The following REEP2 variants were observed in gnomAD, a reference collection of about 807,000 sequenced individuals.
REEP2 encodes the protein receptor expression-enhancing protein 2.
In REEP2, 9 loss-of-function variants were observed where a neutral mutation model predicts 32.1. That is an observed-to-expected ratio of 0.28 (90% CI 0.17 to 0.49). The LOEUF is 0.49. REEP2 is among the 20% of genes least tolerant of loss of function. The pLI, the probability that REEP2 is intolerant of heterozygous loss-of-function variation, is 0.99. For missense variants in REEP2, 236 were observed against 338.0 expected (o/e 0.70, Z 2.37); for synonymous variants, 128 against 139.1 (o/e 0.92, Z 0.56).
chr5:138,446,351 G>A lies in REEP2; in HGVS notation c.*600G>A, dbSNP rs1763933717. 6.5e-6 allele frequency: 1 copy of A among 153,686 alleles called. No individual in the cohort carries two copies. Among genetic ancestry groups the A allele is most frequent in the East Asian group, 1.9e-4 (1 of 5,202 alleles). The allele number at this position is 153,686 out of a possible 1,614,324, so 9.5% of individuals were successfully genotyped here. A position where few individuals can be genotyped will look rare whatever the true frequency, so the allele number is the denominator to read the frequency against. On this transcript the variant is annotated 3_prime_UTR_variant, in exon 8 of 8. Transcript: ENST00000378339. ...TTTCCTGGTCATTGGGTGGGGCTGAGTGCCACATGTTCCCACATTAAAAAG... is the reference window on the plus strand; with the variant it reads ...TTTCCTGGTCATTGGGTGGGGCTGAATGCCACATGTTCCCACATTAAAAAG...
intron 5 of REEP2, 33 bp from the exon 6 acceptor site, chr5:138,445,195 C>T: frequency 6.4e-7 from 1 of 1,551,674 alleles, no homozygotes; most frequent in Non-Finnish European, 8.7e-7. Flanking sequence ...GCCCCTTCCC[C>T]CCGGCTCTCC....
rs1763773686 is a variant in REEP2, at chr5:138,439,176, G to A, written c.-33G>A. On this transcript the variant is annotated 5_prime_UTR_variant, in exon 1 of 8. Transcript: ENST00000378339. The stretch of plus-strand genomic sequence containing the variant: ...AGGCAGCTGCATCCTCGGCCGGGCC[G>A]GGTCCCCGCCCCGCGCCGCGCCCGG... The A allele has an allele frequency of 3.0e-6, 4 of 1,347,514 alleles. No individual in the cohort carries two copies. Among genetic ancestry groups the A allele is most frequent in the African/African-American group, 1.5e-5 (1 of 66,156 alleles). 83.5% of individuals were successfully genotyped at this position (1,347,514 alleles called of 1,614,324 possible). A position where few individuals can be genotyped will look rare whatever the true frequency, so the allele number is the denominator to read the frequency against.
chr5:138,444,224 C>A, intron 3 of REEP2, 191 bp from the exon 4 acceptor site: 1 of 567,886 alleles, frequency 1.8e-6, no homozygotes, highest in Non-Finnish European at 3.0e-6. Context: ...GCTTACCTTC[C>A]TGTTTGGAGC....
chr5:138,440,379 G>A lies in REEP2; in HGVS notation c.33-637G>A, dbSNP rs115407895. ...GCCTGGGCAAGCCCCAAAGGGCATC[G>A]GTCCTCTTCTTTCCCGGCCTGTGTC... On this transcript the variant is annotated intron_variant, in intron 1 of 7. Transcript: ENST00000378339. Among the ~76,000 whole-genome samples, 581 of 152,334 alleles carry A rather than the reference G, an allele frequency of 3.8e-3. 1 individual carries two copies. Among genetic ancestry groups the A allele is most frequent in the African/African-American group, 0.013 (558 of 41,568 alleles).
Position 138,441,263 on chromosome 5 carries a change from G to A in REEP2, c.106-122G>A. The A allele has an allele frequency of 7.9e-7, 1 of 1,264,442 alleles. No individual in the cohort carries two copies. Among genetic ancestry groups the A allele is most frequent in the Non-Finnish European group, 1.1e-6 (1 of 870,086 alleles). 78.3% of individuals were successfully genotyped at this position (1,264,442 alleles called of 1,614,324 possible). ...ACAGCGCCTCCAACATGGCTGGCAG[G>A]CAGAAGTGGGGTCCTTGGTGTTCTC... On this transcript the variant is annotated intron_variant, in intron 2 of 7. Transcript: ENST00000378339. The surrounding 1 kb of genome is among the most constrained non-coding windows in gnomAD (Gnocchi z 4.4).
intron 3 of REEP2, among the ~76,000 whole-genome samples, chr5:138,442,304 G>C (rs1339095237): frequency 1.3e-5 from 2 of 152,180 alleles, no homozygotes; most frequent in African/African-American, 2.4e-5. Flanking sequence ...CGGAACTCAA[G>C]AAGAGAATTT....
intron 1 of REEP2, chr5:138,439,586 TGGA>T: frequency 2.0e-6 from 1 of 492,732 alleles, no homozygotes; most frequent in South Asian, 1.6e-5. Flanking sequence ...AGGTCTGGGC[TGGA>T]GGAGATCCTC....
In REEP2 at chr5:138,441,062, G is replaced by A. The variant is rs763379206; in HGVS notation, c.79G>A (p.Val27Met). ...LYPAYSSYKA[V>M]KTKNVKEYVK... ...CCCAGCCTATTCTTCCTACAAGGCC[G>A]TGAAGACAAAAAACGTGAAGGAATA... Residue 27 changes from valine to methionine, a missense_variant, in exon 2 of 8, where the codon GTG becomes ATG. Val to Met is a conservative substitution (Grantham distance 21, BLOSUM62 1). Transcript: ENST00000378339. This position sits in a 1 kb window ranked among gnomAD's most constrained non-coding sequence, Gnocchi z 4.4. 1.2e-6 allele frequency: 2 copies of A among 1,613,736 alleles called. No individual in the cohort carries two copies. The highest frequency in any genetic ancestry group is 2.2e-5 in the East Asian group (1 of 44,886).
At chr5:138,444,592 G>A (rs904660372) in intron 4 of REEP2, 57 bp downstream of exon 4, 2 of 1,604,194 alleles carry the variant, frequency 1.2e-6, no homozygotes, top group African/African-American at 2.7e-5. Context: ...GCAGTCCAGA[G>A]CCTGCAGCCT....
chr5:138,439,334 A>G (rs1174586852), intron 1 of REEP2, 94 bp downstream of exon 1: 2 of 1,249,346 alleles, frequency 1.6e-6, no homozygotes, highest in South Asian at 1.7e-5. Flanking sequence ...CGTGCAGCAG[A>G]GTCACCTAAA....
Position 138,445,862 on chromosome 5 carries a change from C to A in REEP2, c.*111C>A. 3 of 1,082,248 alleles carry A rather than the reference C, an allele frequency of 2.8e-6. No homozygotes were observed. Among genetic ancestry groups the A allele is most frequent in the Non-Finnish European group, 4.0e-6 (3 of 756,300 alleles). 67.0% of individuals were successfully genotyped at this position (1,082,248 alleles called of 1,614,324 possible). On this transcript the variant is annotated 3_prime_UTR_variant, in exon 8 of 8. Coordinates refer to ENST00000378339, the MANE Select transcript of REEP2 (RefSeq NM_001271803.2). Reference sequence around the variant, plus strand: ...AGCCTAGGTGTCTCAGGCCCCTGGGCCCCGCAGATGGCCATTTCCGGTGCC... The same window carrying A: ...AGCCTAGGTGTCTCAGGCCCCTGGGACCCGCAGATGGCCATTTCCGGTGCC...
intron 4 of REEP2, 35 bp downstream of exon 4, chr5:138,444,570 C>A (rs1170383008): frequency 6.2e-7 from 1 of 1,610,652 alleles, no homozygotes; most frequent in Admixed American, 1.7e-5. Flanking sequence ...TCCCAGCCTG[C>A]CCCCAGCCAA....
intron 3 of REEP2, among the ~76,000 whole-genome samples, chr5:138,443,290 T>C: frequency 6.6e-6 from 1 of 151,558 alleles, no homozygotes; most frequent in South Asian, 2.1e-4. Flanking sequence ...GTGAAACCCC[T>C]TATCTACTAA....
In REEP2 at chr5:138,439,250, G is replaced by C. The variant is rs2127020153; in HGVS notation, c.32+10G>C. On this transcript the variant is annotated intron_variant, in intron 1 of 7. Coordinates refer to ENST00000378339, the MANE Select transcript of REEP2 (RefSeq NM_001271803.2). ...TCTCTCGCCTGGTGGTGTGAGTGCGGCGGCGGCGGGGGGTGATGCGGGCTG... is the reference window on the plus strand; with the variant it reads ...TCTCTCGCCTGGTGGTGTGAGTGCGCCGGCGGCGGGGGGTGATGCGGGCTG... 7.0e-7 allele frequency: 1 copy of C among 1,421,440 alleles called. No homozygotes were observed. Among genetic ancestry groups the C allele is most frequent in the Non-Finnish European group, 9.2e-7 (1 of 1,088,932 alleles). 88.1% of individuals were successfully genotyped at this position (1,421,440 alleles called of 1,614,324 possible).
Position 138,445,291 on chromosome 5 carries a change from G to T in REEP2, c.481G>T (p.Asp161Tyr), listed in dbSNP as rs1289771121. Residue 161 changes from aspartate to tyrosine, a missense_variant, in exon 6 of 8, where the codon GAC becomes TAC. Transcript: ENST00000378339. ...FSMQDLTLIR[D>Y]EDALPLQRPD... ...CATGCAGGACCTGACCCTGATCCGGGACGAGGACGCACTGCCCCTGCAGAG... is the reference window on the plus strand; with the variant it reads ...CATGCAGGACCTGACCCTGATCCGGTACGAGGACGCACTGCCCCTGCAGAG... 1 of 1,613,472 alleles carries T rather than the reference G, an allele frequency of 6.2e-7. No homozygotes were observed. The highest frequency in any genetic ancestry group is 1.3e-5 in the African/African-American group (1 of 74,942).
intron 1 of REEP2, 115 bp from the exon 2 acceptor site, chr5:138,440,901 C>T: frequency 6.4e-7 from 1 of 1,566,124 alleles, no homozygotes; most frequent in Non-Finnish European, 8.6e-7. Context: ...GTTCATCAGT[C>T]CAGCGGGGAG....
chr5:138,444,683 G>A (rs1354523591), intron 4 of REEP2, 71 bp from the exon 5 acceptor site: 16 of 1,563,024 alleles, frequency 1.0e-5, no homozygotes, highest in Non-Finnish European at 1.4e-5. Flanking sequence ...AGCAGGCAGG[G>A]GCCTCTGTCC....
intron 3 of REEP2, among the ~76,000 whole-genome samples, chr5:138,443,255 G>A (rs1421114271): frequency 6.6e-6 from 1 of 151,986 alleles, no homozygotes; most frequent in Non-Finnish European, 1.5e-5. Flanking sequence ...GAGGTCAGGA[G>A]TTCGAGACCA....
chr5:138,446,035 A>G lies in REEP2; in HGVS notation c.*284A>G, dbSNP rs1763926019. 1 of 463,840 alleles carries G rather than the reference A, an allele frequency of 2.2e-6. No individual in the cohort carries two copies. Among genetic ancestry groups the G allele is most frequent in the Admixed American group, 3.9e-5 (1 of 25,966 alleles). The allele number at this position is 463,840 out of a possible 1,614,324, so 28.7% of individuals were successfully genotyped here. Reference sequence around the variant, plus strand: ...TCGGCCTCCACCGCTGTTCCGCTGCAGCCCCGCCCTGCCCCACCCACCCAG... The same window carrying G: ...TCGGCCTCCACCGCTGTTCCGCTGCGGCCCCGCCCTGCCCCACCCACCCAG... On this transcript the variant is annotated 3_prime_UTR_variant, in exon 8 of 8. Coordinates refer to ENST00000378339, the MANE Select transcript of REEP2 (RefSeq NM_001271803.2).
Sources: gnomAD v4.1 joint callset for allele counts (sites outside exome capture counted in the v4.1 genomes callset) on GRCh38, gnomAD v4.1.1 for gene constraint, Gnocchi (gnomAD v3.1) non-coding constraint, MANE v1.5 for transcripts, NCBI Gene and HGNC (gene_info 2026-07-23, HGNC 2026-07-21) for gene names.